The following PCCA variants were observed in gnomAD, a reference collection of about 807,000 sequenced individuals.
The protein encoded by PCCA is propionyl-CoA carboxylase subunit alpha, also known as propionyl-CoA carboxylase alpha chain, mitochondrial.
Under a neutral mutation model 101.3 loss-of-function variants are expected in PCCA, and 74 were observed. That is an observed-to-expected ratio of 0.73 (90% CI 0.61 to 0.89). PCCA has a LOEUF of 0.89. Ranked by LOEUF, PCCA falls within the 40% of genes least tolerant of loss-of-function variation. The probability of loss-of-function intolerance (pLI) is 0.00; values close to 1 mark genes in which losing one functional copy is unlikely to be tolerated. For synonymous variants in PCCA, 294 were observed against 313.6 expected (o/e 0.94, Z 0.66); for missense variants, 891 against 907.0 (o/e 0.98, Z 0.23).
At chr13:100,491,470 T>C in intron 21 of PCCA, 1 of 315,940 alleles carries the variant, frequency 3.2e-6, no homozygotes. Context: ...ATGCCCCTAG[T>C]CATAGGCAAA....
intron 8 of PCCA, among the ~76,000 whole-genome samples, chr13:100,249,484 A>G (rs952743179): frequency 6.6e-6 from 1 of 152,174 alleles, no homozygotes; most frequent in Non-Finnish European, 1.5e-5. Flanking sequence ...CTGTAGCTTT[A>G]TAGTAAGTCT....
chr13:100,239,370 C>T (rs2060988724), intron 8 of PCCA, among the ~76,000 whole-genome samples: 1 of 152,096 alleles, frequency 6.6e-6, no homozygotes, highest in Non-Finnish European at 1.5e-5. Context: ...AGGATGGCAG[C>T]TAAAATTTGA....
intron 21 of PCCA, chr13:100,473,184 G>A (rs944418038): frequency 1.3e-5 from 2 of 152,200 alleles, no homozygotes; most frequent in Non-Finnish European, 2.9e-5. Context: ...TGCCGCGCAG[G>A]GACTTGGTGA....
At chr13:100,166,104 C>T (rs2152405019) in intron 6 of PCCA, among the ~76,000 whole-genome samples, 1 of 152,294 alleles carries the variant, frequency 6.6e-6, no homozygotes, top group Non-Finnish European at 1.5e-5. Flanking sequence ...CCTGGTGCTC[C>T]TTCGCTGGCT....
chr13:100,282,706 C>T (rs2064236466), intron 12 of PCCA, among the ~76,000 whole-genome samples: 1 of 152,234 alleles, frequency 6.6e-6, no homozygotes, highest in South Asian at 2.1e-4. Context: ...CAATACTATC[C>T]TGCAGCTTGA....
chr13:100,262,605 G>T, intron 9 of PCCA, 124 bp from the exon 10 acceptor site: 1 of 674,986 alleles, frequency 1.5e-6, no homozygotes, highest in Non-Finnish European at 2.6e-6. Flanking sequence ...ATATTTAATC[G>T]ATTGTGTTTT....
intron 21 of PCCA, among the ~76,000 whole-genome samples, chr13:100,513,681 A>C (rs1157665581): frequency 6.6e-6 from 1 of 152,218 alleles, no homozygotes; most frequent in African/African-American, 2.4e-5. Context: ...ATTCTCAGCG[A>C]ATGAAGATAC....
intron 12 of PCCA, chr13:100,293,247 A>G (rs1243143971): frequency 2.1e-6 from 1 of 471,612 alleles, no homozygotes; most frequent in Non-Finnish European, 4.4e-6. Flanking sequence ...TTTACCATGG[A>G]AGGAAAGGTA....
intron 1 of PCCA, among the ~76,000 whole-genome samples, chr13:100,094,812 T>A (rs2046620891): frequency 6.6e-6 from 1 of 152,222 alleles, no homozygotes; most frequent in Admixed American, 6.5e-5. Context: ...GGTCTTGAAC[T>A]CTTGACCTCA....
At chr13:100,149,247 T>C (rs1047893815) in intron 4 of PCCA, 2 of 151,914 alleles carry the variant, frequency 1.3e-5, no homozygotes, top group African/African-American at 4.8e-5. Flanking sequence ...GGTAATTTTC[T>C]TTCTTTTTTT....
intron 4 of PCCA, among the ~76,000 whole-genome samples, chr13:100,143,382 A>AAAATTAGCT (rs1466162071): frequency 9.2e-5 from 14 of 151,740 alleles, no homozygotes; most frequent in Non-Finnish European, 1.9e-4. Context: ...AATACAAAAA[A>AAAATTAGCT]AAATTAGCTA....
At position 100,115,667 on chromosome 13, in the gene PCCA, G is replaced by A. The variant is rs569890931; in HGVS notation, c.300+3606G>A. On this transcript the variant is annotated intron_variant, in intron 4 of 23. Coordinates refer to ENST00000376285, the MANE Select transcript of PCCA (RefSeq NM_000282.4). ...ATTACCGACCAAGCTGTCATATGGC[G>A]CATGATTGAATTCTGATCTACAGGT... Among the ~76,000 whole-genome samples, 14 of 152,220 alleles carry A rather than the reference G, an allele frequency of 9.2e-5. No homozygotes were observed. In the South Asian group the frequency reaches 2.1e-3, roughly 23 times the overall value.
intron 16 of PCCA, among the ~76,000 whole-genome samples, chr13:100,316,081 C>T (rs1269463547): frequency 1.3e-5 from 2 of 152,128 alleles, no homozygotes; most frequent in African/African-American, 2.4e-5. Flanking sequence ...TTATTACCCT[C>T]TTTTGGCTTT....
At chr13:100,335,007 AAAG>A (rs1270802080) in intron 17 of PCCA, among the ~76,000 whole-genome samples, 1 of 152,238 alleles carries the variant, frequency 6.6e-6, no homozygotes, top group Non-Finnish European at 1.5e-5. Flanking sequence ...TTCTAAAAGA[AAAG>A]AAAGAAGATG....
chr13:100,197,230 C>T (rs1282038264), intron 6 of PCCA, among the ~76,000 whole-genome samples: 1 of 152,106 alleles, frequency 6.6e-6, no homozygotes, highest in Non-Finnish European at 1.5e-5. Context: ...ATTTTTGAGA[C>T]AAGATTTTGC....
At chr13:100,103,728 C>T (rs566923865) in intron 2 of PCCA, among the ~76,000 whole-genome samples, 4 of 151,392 alleles carry the variant, frequency 2.6e-5, no homozygotes, top group African/African-American at 4.8e-5. Flanking sequence ...CTCCGCCTCC[C>T]GGCTTCAAGA....
chr13:100,385,632 A>T (rs868117816), intron 19 of PCCA, among the ~76,000 whole-genome samples: 1 of 151,888 alleles, frequency 6.6e-6, no homozygotes, highest in South Asian at 2.1e-4. Context: ...TTATTTATTT[A>T]TTTTTTTTGA....
intron 21 of PCCA, among the ~76,000 whole-genome samples, chr13:100,476,425 G>A (rs552793601): frequency 1.4e-4 from 22 of 152,298 alleles, no homozygotes; most frequent in African/African-American, 4.8e-4. Context: ...TGTAAGGGAT[G>A]TGATAACTGA....
At chr13:100,177,927 A>G (rs1340788122) in intron 6 of PCCA, among the ~76,000 whole-genome samples, 3 of 152,158 alleles carry the variant, frequency 2.0e-5, no homozygotes, top group South Asian at 2.1e-4. Flanking sequence ...GATAATCATT[A>G]ATATGAAAGT....
Sources: gnomAD v4.1 joint callset for allele counts (sites outside exome capture counted in the v4.1 genomes callset) on GRCh38, gnomAD v4.1.1 for gene constraint, MANE v1.5 for transcripts, NCBI Gene and HGNC (gene_info 2026-07-23, HGNC 2026-07-21) for gene names.